The following RGS3 variants were observed in gnomAD, a reference collection of about 807,000 sequenced individuals.
The protein encoded by RGS3 is regulator of G-protein signalling 3.
In RGS3, 80 loss-of-function variants were observed where a neutral mutation model predicts 132.6. That is an observed-to-expected ratio of 0.60 (90% CI 0.50 to 0.73). The LOEUF (loss-of-function observed/expected upper bound fraction) is 0.73. Among genes scored for constraint, RGS3 ranks in the 30% least tolerant of loss-of-function variants. The probability of loss-of-function intolerance (pLI) is 0.00; values close to 1 mark genes in which losing one functional copy is unlikely to be tolerated. For synonymous variants in RGS3, 598 were observed against 620.6 expected, an observed-to-expected ratio of 0.96 and a Z score of 0.54; for missense variants, 1,382 against 1,530.8, an observed-to-expected ratio of 0.90 and a Z score of 1.62.
At chr9:113,476,659 C>T (rs1830003196) in intron 3 of RGS3, among the ~76,000 whole-genome samples, 1 of 152,238 alleles carries the variant, frequency 6.6e-6, no homozygotes, top group Non-Finnish European at 1.5e-5. Flanking sequence ...GCCCCTGGGC[C>T]TTTGTCAGCC....
At chr9:113,553,998 G>C (rs922413145) in intron 19 of RGS3, among the ~76,000 whole-genome samples, 16 of 152,138 alleles carry the variant, frequency 1.1e-4, no homozygotes, top group Non-Finnish European at 1.8e-4. Context: ...ACATCTTGCC[G>C]CACTTTTCTG....
rs1372534053 is a variant in RGS3, at chr9:113,537,847, T to C, written c.2037+929T>C. The stretch of plus-strand genomic sequence containing the variant: ...GAAGCAGGAGGTAGGGAAGAGGCAG[T>C]TGGCAGCCTCTTCTGAGGGCCAGAG... On this transcript the variant is annotated intron_variant, in intron 19 of 24. Transcript: ENST00000350696. The surrounding 1 kb of genome is among the most constrained non-coding windows in gnomAD (Gnocchi z 4.3). Among the ~76,000 whole-genome samples, 1 of 152,164 alleles carries C rather than the reference T, an allele frequency of 6.6e-6. No homozygotes were observed. The highest frequency in any genetic ancestry group is 2.1e-4 in the South Asian group (1 of 4,834).
intron 3 of RGS3, among the ~76,000 whole-genome samples, chr9:113,465,474 T>TGTGTGC (rs1044350444): frequency 6.6e-6 from 1 of 151,512 alleles, no homozygotes; most frequent in Non-Finnish European, 1.5e-5. Context: ...TGTGTGTGTG[T>TGTGTGC]GTGTGTGCCT....
chr9:113,482,981 CTA>C, intron 4 of RGS3, 76 bp from the exon 3 acceptor site: 3 of 1,608,474 alleles, frequency 1.9e-6, no homozygotes, highest in Non-Finnish European at 2.5e-6. Context: ...ATGGATATGT[CTA>C]TGTGTGTCTC....
chr9:113,484,169 G>A (rs1830251127), exon 6 of RGS3: 2 of 1,612,340 alleles, frequency 1.2e-6, no homozygotes, highest in African/African-American at 1.3e-5. Flanking sequence ...AGTAGACTAC[G>A]CCACCAGAAG....
intron 19 of RGS3, chr9:113,541,504 C>G: frequency 3.8e-6 from 6 of 1,565,738 alleles, no homozygotes; most frequent in Non-Finnish European, 5.2e-6. Flanking sequence ...GTAACCTCAC[C>G]TCAACTGGAC....
rs944608856 is a variant in RGS3 at position 113,497,901 on chromosome 9, G to C, written c.842-124G>C. On this transcript the variant is annotated intron_variant, in intron 9 of 24. Coordinates refer to ENST00000350696, the Ensembl canonical transcript of RGS3. ...TGAGCCTCAGGTGTCCCCACATCCTGAGGCCAGGAGTGGCCCTGGGCAGCC... is the reference window on the plus strand; with the variant it reads ...TGAGCCTCAGGTGTCCCCACATCCTCAGGCCAGGAGTGGCCCTGGGCAGCC... 12 of 877,022 alleles carry C rather than the reference G, an allele frequency of 1.4e-5. No homozygotes were observed. In the Admixed American group the frequency reaches 2.4e-4, roughly 17 times the overall value. The allele number at this position is 877,022 out of a possible 1,614,324, so 54.3% of individuals were successfully genotyped here. A position where few individuals can be genotyped will look rare whatever the true frequency, so the allele number is the denominator to read the frequency against.
intron 19 of RGS3, chr9:113,541,332 T>TA (rs1455702506): frequency 1.2e-6 from 2 of 1,613,352 alleles, no homozygotes; most frequent in African/African-American, 2.7e-5. Flanking sequence ...ACTCCACCCT[T>TA]TCGGCTCTCT....
At position 113,537,022 on chromosome 9, in the gene RGS3, A is replaced by G. The variant is rs1832709419; in HGVS notation, c.2037+104A>G. 2.6e-6 allele frequency: 3 copies of G among 1,151,360 alleles called. No individual in the cohort carries two copies. The highest frequency in any genetic ancestry group is 2.2e-5 in the Admixed American group (1 of 45,476). The allele number at this position is 1,151,360 out of a possible 1,614,324, so 71.3% of individuals were successfully genotyped here. On this transcript the variant is annotated intron_variant, in intron 19 of 24. Coordinates refer to ENST00000350696, the Ensembl canonical transcript of RGS3. This position sits in a 1 kb window ranked among gnomAD's most constrained non-coding sequence, Gnocchi z 4.3. ...AGCTGGGGGCCAGCCTGAGCTTCCA[A>G]CTTGGCTCTGGGCAATGAGCTCTTG...
intron 1 of RGS3, chr9:113,444,968 A>G (rs1829071946): frequency 6.6e-6 from 1 of 152,216 alleles, no homozygotes; most frequent in Non-Finnish European, 1.5e-5. Flanking sequence ...ATCTGGGCCT[A>G]AGGAAGCAGA....
intron 10 of RGS3, among the ~76,000 whole-genome samples, chr9:113,500,367 A>T (rs991235897): frequency 1.3e-5 from 2 of 152,234 alleles, no homozygotes; most frequent in African/African-American, 4.8e-5. Flanking sequence ...ACCCTCTGTC[A>T]TCAAGGACTT....
chr9:113,596,631 T>G, intron 24 of RGS3, 137 bp from the exon 23 acceptor site: 1 of 673,578 alleles, frequency 1.5e-6, no homozygotes. Flanking sequence ...TCTGAGGGTC[T>G]CTACTTCAGA....
At chr9:113,528,880 C>A (rs1010085098) in intron 17 of RGS3, among the ~76,000 whole-genome samples, 1 of 152,198 alleles carries the variant, frequency 6.6e-6, no homozygotes, top group Non-Finnish European at 1.5e-5. Flanking sequence ...TCTCTCACTG[C>A]AGAAATCATG....
chr9:113,529,353 G>A, intron 18 of RGS3, 89 bp downstream of exon 16: 5 of 1,134,700 alleles, frequency 4.4e-6, no homozygotes, highest in Non-Finnish European at 6.7e-6. Context: ...CCAGTGTTCT[G>A]ATGCCAGCCT....
At chr9:113,473,612 C>T (rs563016323) in intron 3 of RGS3, among the ~76,000 whole-genome samples, 4 of 152,228 alleles carry the variant, frequency 2.6e-5, no homozygotes, top group Admixed American at 2.6e-4. Flanking sequence ...GTCTCAAACT[C>T]CTGGCCTCAA....
At chr9:113,563,403 C>T (rs550857347) in intron 19 of RGS3, among the ~76,000 whole-genome samples, 4 of 152,324 alleles carry the variant, frequency 2.6e-5, no homozygotes, top group African/African-American at 9.6e-5. Context: ...GACAACTCAG[C>T]TGAAGCTCGA....
At chr9:113,487,160 G>A (rs1830360401) in intron 7 of RGS3, among the ~76,000 whole-genome samples, 2 of 146,704 alleles carry the variant, frequency 1.4e-5, no homozygotes, top group South Asian at 2.2e-4. Context: ...GCCGGACTGC[G>A]GACTGCAGTG....
At chr9:113,480,816 T>A (rs1830136340) in intron 4 of RGS3, among the ~76,000 whole-genome samples, 1 of 152,228 alleles carries the variant, frequency 6.6e-6, no homozygotes, top group African/African-American at 2.4e-5. Flanking sequence ...TGTCCATGTG[T>A]CCATCCTTCC....
chr9:113,597,262 C>T (rs748302310), exon 25 of RGS3: 32 of 246,182 alleles, frequency 1.3e-4, no homozygotes, highest in Non-Finnish European at 2.0e-4. Flanking sequence ...GGAGGCTTCG[C>T]GTTGACCAAG....
Sources: allele counts gnomAD v4.1 joint callset (sites outside exome capture counted in the v4.1 genomes callset), GRCh38; gene constraint gnomAD v4.1.1; non-coding constraint Gnocchi (gnomAD v3.1); transcripts MANE v1.5; gene names NCBI Gene and HGNC (gene_info 2026-07-23, HGNC 2026-07-21).